Variants in RPTOR observed in about 807,000 individuals in gnomAD.
The protein encoded by RPTOR is regulatory associated protein of MTOR complex 1.
In RPTOR, 21 loss-of-function variants were observed where a neutral mutation model predicts 169.9. The ratio of observed to expected loss-of-function variants is 0.12; its 90% CI spans 0.09 to 0.18. The LOEUF is 0.18. Among genes scored for constraint, RPTOR ranks in the 10% least tolerant of loss-of-function variants. The probability of loss-of-function intolerance (pLI) is 1.00; values close to 1 mark genes in which losing one functional copy is unlikely to be tolerated. For synonymous variants in RPTOR, 732 were observed against 753.2 expected (o/e 0.97, Z 0.46); for missense variants, 1,133 against 1,855.9 (o/e 0.61, Z 7.16).
intron 7 of RPTOR, among the ~76,000 whole-genome samples, chr17:80,795,997 C>G (rs187236292): frequency 6.6e-6 from 1 of 152,322 alleles, no homozygotes; most frequent in East Asian, 1.9e-4. Flanking sequence ...GCTGAGGCAC[C>G]TACGACTCCC....
rs1216496685 is a variant in RPTOR, at chr17:80,646,917, A to G, written c.348+3107A>G. Reference sequence around the variant, plus strand: ...GTTTTCTCAACGGTAGCGTCCATCCAGGAGGTGCAGAAAGCCAACCCCGGA... The same window carrying G: ...GTTTTCTCAACGGTAGCGTCCATCCGGGAGGTGCAGAAAGCCAACCCCGGA... On this transcript the variant is annotated intron_variant, in intron 3 of 33. Transcript: ENST00000306801. This position sits in a 1 kb window ranked among gnomAD's most constrained non-coding sequence, Gnocchi z 5.0. 6.6e-6 allele frequency among the ~76,000 whole-genome samples: 1 copy of G among 152,202 alleles called. No individual in the cohort carries two copies. Among genetic ancestry groups the G allele is most frequent in the Non-Finnish European group, 1.5e-5 (1 of 68,032 alleles).
intron 13 of RPTOR, among the ~76,000 whole-genome samples, chr17:80,862,504 T>C (rs2067928824): frequency 6.7e-6 from 1 of 150,284 alleles, no homozygotes; most frequent in Non-Finnish European, 1.5e-5. Flanking sequence ...CCCCCTACAA[T>C]GTGTGCATGC....
chr17:80,864,325 A>ATGG (rs1448181324), intron 13 of RPTOR, among the ~76,000 whole-genome samples: 6,358 of 128,884 alleles, frequency 0.049, 332 homozygotes, highest in South Asian at 0.074. Flanking sequence ...GGTGAGAGTG[A>ATGG]CGGCAGGTTT....
intron 13 of RPTOR, among the ~76,000 whole-genome samples, chr17:80,872,977 C>T (rs2068067785): frequency 6.6e-6 from 1 of 152,234 alleles, no homozygotes; most frequent in Non-Finnish European, 1.5e-5. Flanking sequence ...CTAGAGCGGG[C>T]CCCCCACCAC....
Position 80,609,773 on chromosome 17 carries a change from T to TTGTGTGTGTG in RPTOR, c.163-15892_163-15883dup, listed in dbSNP as rs35843489. Among the ~76,000 whole-genome samples the TTGTGTGTGTG allele has an allele frequency of 3.5e-5, 5 of 143,252 alleles. No individual in the cohort carries two copies. Among genetic ancestry groups the TTGTGTGTGTG allele is most frequent in the Non-Finnish European group, 6.1e-5 (4 of 65,542 alleles). 94.0% of individuals were successfully genotyped at this position (143,252 alleles called of 152,430 possible). A position where few individuals can be genotyped will look rare whatever the true frequency, so the allele number is the denominator to read the frequency against. On this transcript the variant is annotated intron_variant, in intron 1 of 33. Coordinates refer to ENST00000306801, the MANE Select transcript of RPTOR (RefSeq NM_020761.3). The surrounding 1 kb of genome is among the most constrained non-coding windows in gnomAD (Gnocchi z 4.8). ...AAAAAAAAAAAGTTTAAGGTGTTGG[T>TTGTGTGTGTG]TGTGTGTGTGTGTGTGTGTGTGTGT...
chr17:80,674,700 A>C (rs1341023148), intron 3 of RPTOR, among the ~76,000 whole-genome samples: 1 of 148,022 alleles, frequency 6.8e-6, no homozygotes, highest in Non-Finnish European at 1.5e-5. Flanking sequence ...AGGCAGGAGA[A>C]TGGCATGAAC....
At chr17:80,623,189 C>T (rs2065367943) in intron 1 of RPTOR, among the ~76,000 whole-genome samples, 1 of 152,062 alleles carries the variant, frequency 6.6e-6, no homozygotes, top group Non-Finnish European at 1.5e-5. Context: ...ACGCTAAGAT[C>T]TAAAACCGAA....
At chr17:80,647,192 A>G (rs908908349) in intron 3 of RPTOR, among the ~76,000 whole-genome samples, 8 of 152,182 alleles carry the variant, frequency 5.3e-5, no homozygotes, top group Admixed American at 1.3e-4. Context: ...CACTGATGAA[A>G]TGTTTCTTCT....
intron 6 of RPTOR, among the ~76,000 whole-genome samples, chr17:80,787,908 C>T (rs7225755): frequency 6.6e-6 from 1 of 152,000 alleles, no homozygotes; most frequent in African/African-American, 2.4e-5. Flanking sequence ...GGATATTGCC[C>T]CCACCTTTTT....
At chr17:80,886,578 C>T (rs764107681) in intron 17 of RPTOR, among the ~76,000 whole-genome samples, 7 of 152,216 alleles carry the variant, frequency 4.6e-5, no homozygotes, top group African/African-American at 9.6e-5. Flanking sequence ...TTTACAAAAA[C>T]GATATGAAAA....
At chr17:80,564,098 T>C (rs989721447) in intron 1 of RPTOR, among the ~76,000 whole-genome samples, 4 of 151,884 alleles carry the variant, frequency 2.6e-5, no homozygotes, top group Admixed American at 6.6e-5. Context: ...AGTCTCGCTC[T>C]GTCGCCCAGG....
At chr17:80,808,137 A>C (rs2067238183) in intron 7 of RPTOR, among the ~76,000 whole-genome samples, 1 of 151,930 alleles carries the variant, frequency 6.6e-6, no homozygotes, top group South Asian at 2.1e-4. Flanking sequence ...TCTACCAAAA[A>C]AAAAAAGTTA....
chr17:80,583,182 GTTT>G (rs1166711662), intron 1 of RPTOR, among the ~76,000 whole-genome samples: 21 of 79,274 alleles, frequency 2.6e-4, no homozygotes, highest in Admixed American at 1.4e-3. Context: ...CCTCTTTCCT[GTTT>G]TTTTTTTTTT....
In RPTOR at chr17:80,646,439, C is replaced by T. The variant is rs1404227121; in HGVS notation, c.348+2629C>T. 6.6e-6 allele frequency among the ~76,000 whole-genome samples: 1 copy of T among 152,172 alleles called. No individual in the cohort carries two copies. ...GCTCCTCACAGCTTTCCGTGGGTTA[C>T]AGGACAGAGGGAGGGAGGCCTGGCA... On this transcript the variant is annotated intron_variant, in intron 3 of 33. Transcript: ENST00000306801. The surrounding 1 kb of genome is among the most constrained non-coding windows in gnomAD (Gnocchi z 5.0).
chr17:80,948,192 C>T (rs1013521276), intron 27 of RPTOR, among the ~76,000 whole-genome samples: 1 of 152,220 alleles, frequency 6.6e-6, no homozygotes, highest in Non-Finnish European at 1.5e-5. Flanking sequence ...TCGGCCGCAG[C>T]CCCTGGACAC....
intron 7 of RPTOR, among the ~76,000 whole-genome samples, chr17:80,807,984 T>A (rs1322171900): frequency 6.6e-6 from 1 of 152,164 alleles, no homozygotes; most frequent in African/African-American, 2.4e-5. Context: ...TTAGAAACTA[T>A]AACGTGCATC....
intron 27 of RPTOR, among the ~76,000 whole-genome samples, chr17:80,948,173 C>T (rs527853570): frequency 6.6e-6 from 1 of 152,340 alleles, no homozygotes; most frequent in Admixed American, 6.5e-5. Context: ...CCCACCCAGC[C>T]TGTCCCTGTC....
chr17:80,855,057 T>C (rs1414697559), intron 11 of RPTOR, among the ~76,000 whole-genome samples: 1 of 152,206 alleles, frequency 6.6e-6, no homozygotes, highest in Non-Finnish European at 1.5e-5. Context: ...ATATGAACAA[T>C]GTTCACAGTG....
rs1219136270 is a variant in RPTOR at position 80,562,953 on chromosome 17, T to G, written c.162+17162T>G. The stretch of plus-strand genomic sequence containing the variant: ...TGACCGTCGCCTGCCTTGCTGCCGA[T>G]GTCCTGAAGATGCTTCATGTTGGCA... On this transcript the variant is annotated intron_variant, in intron 1 of 33. Coordinates refer to ENST00000306801, the MANE Select transcript of RPTOR (RefSeq NM_020761.3). The surrounding 1 kb of genome is among the most constrained non-coding windows in gnomAD (Gnocchi z 4.4). Among the ~76,000 whole-genome samples the G allele has an allele frequency of 6.6e-6, 1 of 152,238 alleles. No homozygotes were observed. The highest frequency in any genetic ancestry group is 1.5e-5 in the Non-Finnish European group (1 of 68,048).
Sources: gnomAD v4.1 joint callset for allele counts (sites outside exome capture counted in the v4.1 genomes callset) on GRCh38, gnomAD v4.1.1 for gene constraint, Gnocchi (gnomAD v3.1) non-coding constraint, MANE v1.5 for transcripts, NCBI Gene and HGNC (gene_info 2026-07-23, HGNC 2026-07-21) for gene names.